TTF1: variants seen among roughly 807,000 people sequenced by gnomAD.
The protein encoded by TTF1 is transcription termination factor 1, also known as transcription termination factor, RNA polymerase I.
In TTF1, 64 loss-of-function variants were observed where a neutral mutation model predicts 80.2. That is an observed-to-expected ratio of 0.80 (90% CI 0.65 to 0.98). TTF1 has a LOEUF of 0.98. Among genes scored for constraint, TTF1 ranks in the 50% least tolerant of loss-of-function variants. The probability of loss-of-function intolerance (pLI) is 0.00; values close to 1 mark genes in which losing one functional copy is unlikely to be tolerated. For synonymous variants in TTF1, 372 were observed against 382.7 expected (o/e 0.97, Z 0.33); for missense variants, 1,023 against 1,086.2 (o/e 0.94, Z 0.82).
In TTF1 at chr9:132,402,056, T is replaced by C. The variant is rs766081085; in HGVS notation, c.766A>G (p.Thr256Ala). 1.9e-5 allele frequency: 30 copies of C among 1,614,016 alleles called. No individual in the cohort carries two copies. The highest frequency in any genetic ancestry group is 2.4e-5 in the Non-Finnish European group (28 of 1,179,992). The change falls in exon 2 of 11, where the codon ACT becomes GCT. Residue 256 changes from threonine (T) to alanine (A), a missense_variant. By Grantham distance (58) the Thr-to-Ala change is moderately conservative (BLOSUM62 0). Transcript: ENST00000334270. ...AGTDMQESQP[T>A]VGLDDETPQL... The stretch of plus-strand genomic sequence containing the variant: ...GGAGTTTCATCATCCAAGCCCACAG[T>C]AGGCTGGGATTCCTGCATATCAGTC...
At position 132,386,631 on chromosome 9, in the gene TTF1, AAAAT is replaced by A. The variant is rs1849473341; in HGVS notation, c.2313-14_2313-11del. On this transcript the variant is annotated splice_polypyrimidine_tract_variant and intron_variant, in intron 8 of 10. Coordinates refer to ENST00000334270, the MANE Select transcript of TTF1 (RefSeq NM_007344.4). ...ATTTATTTCATACAACCTGTGAGAA[AAAAT>A]AAAAATTAAATTTTCAAGCAAAAAT... 1 of 1,604,076 alleles carries A rather than the reference AAAAT, an allele frequency of 6.2e-7. No homozygotes were observed. The highest frequency in any genetic ancestry group is 1.3e-5 in the African/African-American group (1 of 74,720).
At chr9:132,395,439 A>G (rs1849630912) in intron 5 of TTF1, among the ~76,000 whole-genome samples, 1 of 152,134 alleles carries the variant, frequency 6.6e-6, no homozygotes, top group African/African-American at 2.4e-5. Flanking sequence ...GTGGAAATAT[A>G]TTACCTCAGC....
rs1397382610 is a variant in TTF1, at chr9:132,388,215, T to C, written c.2236A>G (p.Thr746Ala). 9 of 1,608,592 alleles carry C rather than the reference T, an allele frequency of 5.6e-6. No individual in the cohort carries two copies. The highest frequency in any genetic ancestry group is 7.6e-6 in the Non-Finnish European group (9 of 1,176,740). ...CGCCGACCATTAGTCATCCTCTTGG[T>C]TAGAATTTCTGTCCTACATTAAAAG... ...QCKSKWTEIL[T>A]KRMTNGRRIY... is the part of the protein sequence containing the mutation. The change falls in exon 8 of 11, where the codon ACC becomes GCC. Residue 746 changes from threonine (T) to alanine (A), a missense_variant. Coordinates refer to ENST00000334270, the MANE Select transcript of TTF1 (RefSeq NM_007344.4).
In TTF1 at chr9:132,390,745, G is replaced by C. The variant is rs1849545623; in HGVS notation, c.2074C>G (p.Gln692Glu). The change falls in exon 7 of 11, where the codon CAG becomes GAG. Residue 692 changes from glutamine to glutamate, a missense_variant. Transcript: ENST00000334270. ...EEVILKKMSP[Q>E]ELKEVDSKLQ... ...TTGGAATCCACCTCTTTTAACTCCTGGGGAGACATCTTCTTCAGAATCACT... is the reference window on the plus strand; with the variant it reads ...TTGGAATCCACCTCTTTTAACTCCTCGGGAGACATCTTCTTCAGAATCACT... 6.2e-7 allele frequency: 1 copy of C among 1,614,010 alleles called. No homozygotes were observed. Among genetic ancestry groups the C allele is most frequent in the South Asian group, 1.1e-5 (1 of 91,086 alleles).
intron 1 of TTF1, among the ~76,000 whole-genome samples, chr9:132,405,994 C>A (rs571499332): frequency 3.7e-4 from 57 of 152,382 alleles, no homozygotes; most frequent in Admixed American, 1.2e-3. Flanking sequence ...TGTTTCCCAA[C>A]AACCAGCTGC....
intron 1 of TTF1, among the ~76,000 whole-genome samples, chr9:132,405,487 C>A (rs373374349): frequency 6.6e-6 from 1 of 152,258 alleles, no homozygotes; most frequent in African/African-American, 2.4e-5. Context: ...GGATTACAGG[C>A]GTAAGCCACA....
At position 132,402,757 on chromosome 9, in the gene TTF1, C is replaced by T. The variant is rs781511161; in HGVS notation, c.65G>A (p.Cys22Tyr). The change falls in exon 2 of 11, where the codon TGT (cysteine) becomes TAT (tyrosine). Residue 22 changes from cysteine to tyrosine, a missense_variant. Coordinates refer to ENST00000334270, the MANE Select transcript of TTF1 (RefSeq NM_007344.4). Reference sequence around the variant, plus strand: ...CTGAGGTCTTTCCTTATGTATAGAACACTTTTTCTTTTTCTTGTCAGAAAC... The same window carrying T: ...CTGAGGTCTTTCCTTATGTATAGAATACTTTTTCTTTTTCTTGTCAGAAAC... ...TPVSDKKKKK[C>Y]SIHKERPQKH... The T allele has an allele frequency of 1.2e-6, 2 of 1,606,222 alleles. No individual in the cohort carries two copies. Among genetic ancestry groups the T allele is most frequent in the Non-Finnish European group, 1.7e-6 (2 of 1,178,148 alleles).
Position 132,375,684 on chromosome 9 carries a change from A to G in TTF1, c.*231T>C. 3 of 426,966 alleles carry G rather than the reference A, an allele frequency of 7.0e-6. No individual in the cohort carries two copies. In the South Asian group the frequency reaches 8.2e-5, roughly 12 times the overall value. 26.4% of individuals were successfully genotyped at this position (426,966 alleles called of 1,614,324 possible). A position where few individuals can be genotyped will look rare whatever the true frequency, so the allele number is the denominator to read the frequency against. Reference sequence around the variant, plus strand: ...CAGATTTACTGACATATGTATATAAATATAATCAAACTGAGAAAAAGGGAC... The same window carrying G: ...CAGATTTACTGACATATGTATATAAGTATAATCAAACTGAGAAAAAGGGAC... On this transcript the variant is annotated 3_prime_UTR_variant, in exon 11 of 11. Transcript: ENST00000334270.
chr9:132,389,480 C>T (rs1849524324), intron 7 of TTF1, among the ~76,000 whole-genome samples: 1 of 151,974 alleles, frequency 6.6e-6, no homozygotes, highest in Non-Finnish European at 1.5e-5. Flanking sequence ...CGTGCCCGGC[C>T]CTCACTCTTC....
At chr9:132,395,393 T>G (rs542178391) in intron 5 of TTF1, among the ~76,000 whole-genome samples, 5 of 152,276 alleles carry the variant, frequency 3.3e-5, no homozygotes, top group Admixed American at 3.3e-4. Context: ...CTCTAAAAAT[T>G]ACTCTAAAAA....
intron 4 of TTF1, 46 bp from the exon 5 acceptor site, chr9:132,396,557 G>A: frequency 6.4e-7 from 1 of 1,561,792 alleles, no homozygotes; most frequent in Non-Finnish European, 8.8e-7. Context: ...ATGAAATGAA[G>A]TCGCAATTGT....
intron 1 of TTF1, among the ~76,000 whole-genome samples, chr9:132,405,504 G>C (rs1283591158): frequency 6.6e-6 from 1 of 152,218 alleles, no homozygotes. Flanking sequence ...CACAGCGCCC[G>C]GCCTTGATTT....
chr9:132,405,611 C>A (rs1453662210), intron 1 of TTF1, among the ~76,000 whole-genome samples: 1 of 152,244 alleles, frequency 6.6e-6, no homozygotes, highest in Non-Finnish European at 1.5e-5. Context: ...GTACAACCTT[C>A]TAAATATATA....
chr9:132,376,143 C>T lies in TTF1; in HGVS notation c.2490G>A (p.Thr830=), dbSNP rs760039410. The T allele has an allele frequency of 2.0e-5, 33 of 1,613,444 alleles. No homozygotes were observed. The highest frequency in any genetic ancestry group is 3.3e-5 in the Admixed American group (2 of 59,926). ...ACTTTTCCTTCAGCAAAGGTAGAGT[C>T]GTCTCATAAAGGTAGTCGATGATCT... ...FPEIIDYLYE[T]TLPLLKEKLE... is the part of the protein sequence containing the mutation. The change falls in exon 11 of 11, where the codon ACG becomes ACA. Residue 830 remains threonine (T), a synonymous_variant. Transcript: ENST00000334270.
intron 1 of TTF1, among the ~76,000 whole-genome samples, chr9:132,405,805 G>C (rs942427944): frequency 1.6e-4 from 25 of 152,162 alleles, no homozygotes; most frequent in Non-Finnish European, 5.9e-5. Flanking sequence ...GCTGTTTTCA[G>C]TTCCTAGAAT....
intron 8 of TTF1, 113 bp downstream of exon 8, chr9:132,388,026 C>G (rs1402405016): frequency 1.4e-6 from 1 of 728,130 alleles, no homozygotes; most frequent in Non-Finnish European, 2.3e-6. Flanking sequence ...GCGGAAAGTG[C>G]TGGAACAGGG....
chr9:132,379,155 G>A lies in TTF1; in HGVS notation c.2379-11C>T. 1 of 1,586,810 alleles carries A rather than the reference G, an allele frequency of 6.3e-7. No individual in the cohort carries two copies. On this transcript the variant is annotated splice_polypyrimidine_tract_variant and intron_variant, in intron 9 of 10. Coordinates refer to ENST00000334270, the MANE Select transcript of TTF1 (RefSeq NM_007344.4). ...GATGGAGGAACATCACTTTAGAAAA[G>A]GAAAGAAAAGATAAAAAGCAAGTTA...
chr9:132,402,651 T>G lies in TTF1; in HGVS notation c.171A>C (p.Lys57Asn). ...SQITRRKKRK[K>N]DFQHLISSPL... ...GAGAAGAAATGAGATGCTGGAAATCTTTTTTCCTCTTTTTCCTCCTAGTTA... is the reference window on the plus strand; with the variant it reads ...GAGAAGAAATGAGATGCTGGAAATCGTTTTTCCTCTTTTTCCTCCTAGTTA... Residue 57 changes from lysine to asparagine, a missense_variant, in exon 2 of 11, where the codon AAA becomes AAC. Physicochemically the swap from Lys to Asn is moderately conservative, Grantham distance 94. Transcript: ENST00000334270. 2 of 1,612,940 alleles carry G rather than the reference T, an allele frequency of 1.2e-6. No individual in the cohort carries two copies. The highest frequency in any genetic ancestry group is 8.5e-7 in the Non-Finnish European group (1 of 1,179,704).
intron 4 of TTF1, among the ~76,000 whole-genome samples, chr9:132,396,989 C>A (rs1272496413): frequency 6.6e-6 from 1 of 152,096 alleles, no homozygotes; most frequent in African/African-American, 2.4e-5. Flanking sequence ...CCCTCCTCGG[C>A]CTCCCAGAGT....
Sources: gnomAD v4.1 joint callset for allele counts (sites outside exome capture counted in the v4.1 genomes callset) on GRCh38, gnomAD v4.1.1 for gene constraint, MANE v1.5 for transcripts, NCBI Gene and HGNC (gene_info 2026-07-23, HGNC 2026-07-21) for gene names.